VPS37A: variants seen among roughly 807,000 people sequenced by gnomAD.
VPS37A encodes vacuolar protein sorting-associated protein 37A.
A neutral mutation model predicts 49.8 loss-of-function variants in VPS37A; 30 were observed. The observed-to-expected ratio is 0.60, with a 90% CI of 0.45 to 0.82. The LOEUF is 0.82. Ranked by LOEUF, VPS37A falls within the 40% of genes least tolerant of loss-of-function variation. VPS37A has a pLI of 0.00. For synonymous variants in VPS37A, 195 were observed against 160.6 expected (o/e 1.21, Z -1.62); for missense variants, 593 against 464.4 (o/e 1.28, Z -2.55).
intron 11 of VPS37A, among the ~76,000 whole-genome samples, chr8:17,290,472 G>T (rs1563291853): frequency 1.3e-5 from 2 of 152,182 alleles, no homozygotes. Flanking sequence ...TTATGTCGTG[G>T]ATTACGTTTA....
chr8:17,303,610 CTTT>C (rs10589081), downstream of VPS37A, among the ~76,000 whole-genome samples: 235 of 141,130 alleles, frequency 1.7e-3, no homozygotes, highest in Non-Finnish European at 1.4e-3. Context: ...TACATACAAT[CTTT>C]TTTTTTTTTT....
rs952634356 is a variant in VPS37A at position 17,295,701 on chromosome 8, C to CAT, written c.*724_*725dup. ...CAGAAATTCTTATGCTAATTTAAAA[C>CAT]ATATATATATCTGGTAGGTTTGTGG... On this transcript the variant is annotated 3_prime_UTR_variant, in exon 12 of 12. Transcript: ENST00000324849. The CAT allele has an allele frequency of 6.6e-6, 1 of 152,088 alleles. No homozygotes were observed. Among genetic ancestry groups the CAT allele is most frequent in the Non-Finnish European group, 1.5e-5 (1 of 67,994 alleles). 9.4% of individuals were successfully genotyped at this position (152,088 alleles called of 1,614,324 possible). A position where few individuals can be genotyped will look rare whatever the true frequency, so the allele number is the denominator to read the frequency against.
At chr8:17,248,021 T>G (rs1045793064) in intron 1 of VPS37A, 9 of 503,128 alleles carry the variant, frequency 1.8e-5, no homozygotes, top group Non-Finnish European at 1.1e-5. Flanking sequence ...TTCTGTTGTC[T>G]TCCTGTGAGT....
chr8:17,288,002 G>A (rs565711932), intron 11 of VPS37A, among the ~76,000 whole-genome samples: 4 of 152,284 alleles, frequency 2.6e-5, no homozygotes, highest in Admixed American at 2.6e-4. Flanking sequence ...AACTATTTCT[G>A]CTCCTTGTAA....
intron 11 of VPS37A, among the ~76,000 whole-genome samples, chr8:17,291,295 G>C (rs1215257822): frequency 6.6e-6 from 1 of 152,128 alleles, no homozygotes; most frequent in African/African-American, 2.4e-5. Context: ...TTACAGGTGT[G>C]AGCCACCATG....
the VPS37A span, among the ~76,000 whole-genome samples, chr8:17,316,814 G>A: frequency 1.3e-5 from 2 of 152,046 alleles, no homozygotes; most frequent in Non-Finnish European, 2.9e-5. Flanking sequence ...AATACACCAT[G>A]TTATTATGTA....
At chr8:17,286,837 T>C (rs913607131) in intron 11 of VPS37A, among the ~76,000 whole-genome samples, 2 of 152,160 alleles carry the variant, frequency 1.3e-5, no homozygotes, top group African/African-American at 4.8e-5. Context: ...CTCTAATAAT[T>C]CACCTGTCCC....
intron 1 of VPS37A, chr8:17,248,084 C>A (rs950648584): frequency 5.2e-6 from 2 of 383,638 alleles, no homozygotes; most frequent in Non-Finnish European, 9.8e-6. Flanking sequence ...CATATTATTT[C>A]AACTTTTACT....
the VPS37A span, among the ~76,000 whole-genome samples, chr8:17,314,922 A>G: frequency 2.6e-5 from 4 of 152,132 alleles, no homozygotes; most frequent in Non-Finnish European, 4.4e-5. Context: ...GGAAGACACT[A>G]TGTGTCTGAT....
In VPS37A at chr8:17,296,585, C is replaced by T. The variant is rs1018507074; in HGVS notation, c.*1599C>T. The T allele has an allele frequency of 2.6e-5, 4 of 152,094 alleles. No individual in the cohort carries two copies. The highest frequency in any genetic ancestry group is 7.2e-5 in the African/African-American group (3 of 41,398). 9.4% of individuals were successfully genotyped at this position (152,094 alleles called of 1,614,324 possible). A position where few individuals can be genotyped will look rare whatever the true frequency, so the allele number is the denominator to read the frequency against. The stretch of plus-strand genomic sequence containing the variant: ...GAAACCAGGTAGGTGTATCCCATAA[C>T]AAGGGAGGAGCATACCACAGCCCCT... On this transcript the variant is annotated 3_prime_UTR_variant, in exon 12 of 12. Transcript: ENST00000324849.
intron 1 of VPS37A, among the ~76,000 whole-genome samples, chr8:17,261,012 C>G (rs1812915569): frequency 6.6e-6 from 1 of 152,138 alleles, no homozygotes; most frequent in Non-Finnish European, 1.5e-5. Context: ...TTATGACTTT[C>G]TCAAGCTTTG....
At chr8:17,311,751 A>G in the VPS37A span, 2 of 1,493,950 alleles carry the variant, frequency 1.3e-6, no homozygotes, top group East Asian at 2.3e-5. Context: ...AAAACGAAAC[A>G]CCTGTCCATT....
chr8:17,298,162 A>AGTTAT (rs529460066), downstream of VPS37A: 5 of 152,074 alleles, frequency 3.3e-5, no homozygotes, highest in Non-Finnish European at 5.9e-5. Flanking sequence ...TTGTGAAGTG[A>AGTTAT]GTTATGTTAT....
At chr8:17,287,502 G>A (rs1220516688) in intron 11 of VPS37A, among the ~76,000 whole-genome samples, 1 of 151,816 alleles carries the variant, frequency 6.6e-6, no homozygotes, top group African/African-American at 2.4e-5. Flanking sequence ...GTGAAACCCC[G>A]TCTCTACTAA....
At chr8:17,303,003 G>A (rs552549128), downstream of VPS37A, among the ~76,000 whole-genome samples, 6 of 151,904 alleles carry the variant, frequency 3.9e-5, no homozygotes, top group Admixed American at 1.3e-4. Context: ...GAGCCACCAC[G>A]CCTGACCAAT....
chr8:17,307,810 T>A, the VPS37A span, among the ~76,000 whole-genome samples: 1 of 150,626 alleles, frequency 6.6e-6, no homozygotes, highest in African/African-American at 2.5e-5. Context: ...CACCACATGT[T>A]CTCACTCATA....
Position 17,279,119 on chromosome 8 carries a change from A to G in VPS37A, c.714-909A>G, listed in dbSNP as rs546586071. 2.6e-5 allele frequency among the ~76,000 whole-genome samples: 4 copies of G among 152,242 alleles called. No homozygotes were observed. In the South Asian group the frequency reaches 8.3e-4, roughly 32 times the overall value. Reference sequence around the variant, plus strand: ...ATAACTCTTACTGTGACAGCCACACATCTGTAAGCTAAATAGTCACAGAGG... The same window carrying G: ...ATAACTCTTACTGTGACAGCCACACGTCTGTAAGCTAAATAGTCACAGAGG... On this transcript the variant is annotated intron_variant, in intron 6 of 11. Transcript: ENST00000324849.
downstream of VPS37A, chr8:17,298,198 C>T (rs1816859129): frequency 6.6e-6 from 1 of 152,016 alleles, no homozygotes; most frequent in South Asian, 2.1e-4. Flanking sequence ...AAGCCATTAC[C>T]ACTATATCCT....
chr8:17,309,355 G>T, the VPS37A span: 8 of 1,481,076 alleles, frequency 5.4e-6, no homozygotes, highest in South Asian at 1.2e-5. Context: ...AAATATCTTG[G>T]AGAGAAGCAA....
Sources: gnomAD v4.1 joint callset for allele counts (sites outside exome capture counted in the v4.1 genomes callset) on GRCh38, gnomAD v4.1.1 for gene constraint, MANE v1.5 for transcripts, NCBI Gene and HGNC (gene_info 2026-07-23, HGNC 2026-07-21) for gene names.